NYAP2: variants seen among roughly 807,000 people sequenced by gnomAD.
NYAP2 encodes neuronal tyrosine-phosphorylated phosphoinositide-3-kinase adaptor 2.
Under a neutral mutation model 50.4 loss-of-function variants are expected in NYAP2, and 23 were observed. The ratio of observed to expected loss-of-function variants is 0.46; its 90% CI spans 0.33 to 0.65. NYAP2 has a LOEUF of 0.65. Among genes scored for constraint, NYAP2 ranks in the 30% least tolerant of loss-of-function variants. The pLI is 0.02. For synonymous variants in NYAP2, 394 were observed against 365.2 expected, an observed-to-expected ratio of 1.08 and a Z score of -0.90; for missense variants, 885 against 861.0, an observed-to-expected ratio of 1.03 and a Z score of -0.35.
At chr2:225,529,461 C>CA (rs1366820498) in intron 4 of NYAP2, among the ~76,000 whole-genome samples, 1 of 151,728 alleles carries the variant, frequency 6.6e-6, no homozygotes, top group Admixed American at 6.6e-5. Context: ...GAGTAGCTGG[C>CA]ATTACAGACA....
intron 3 of NYAP2, among the ~76,000 whole-genome samples, chr2:225,437,337 T>A (rs994653002): frequency 1.3e-5 from 2 of 152,160 alleles, no homozygotes; most frequent in Non-Finnish European, 2.9e-5. Flanking sequence ...TTTAATCATC[T>A]AAAGAGAAAA....
chr2:225,502,373 A>C (rs536841123), intron 3 of NYAP2, among the ~76,000 whole-genome samples: 1 of 152,328 alleles, frequency 6.6e-6, no homozygotes, highest in African/African-American at 2.4e-5. Flanking sequence ...AAATTGAGAA[A>C]ATGGCCACTG....
intron 3 of NYAP2, among the ~76,000 whole-genome samples, chr2:225,494,754 G>T (rs1162172801): frequency 4.6e-5 from 7 of 152,162 alleles, no homozygotes; most frequent in Non-Finnish European, 8.8e-5. Flanking sequence ...ATGCTTTGGG[G>T]ATTGCAGTGG....
At chr2:225,488,022 A>G (rs1369284754) in intron 3 of NYAP2, among the ~76,000 whole-genome samples, 5 of 152,230 alleles carry the variant, frequency 3.3e-5, no homozygotes, top group Non-Finnish European at 7.3e-5. Flanking sequence ...GAAAATCTGG[A>G]CTCAGCATTC....
intron 4 of NYAP2, among the ~76,000 whole-genome samples, chr2:225,569,715 A>G (rs538544482): frequency 2.8e-4 from 43 of 152,334 alleles, no homozygotes; most frequent in Admixed American, 1.2e-3. Context: ...TTATAGATGA[A>G]CAAACAGGTT....
chr2:225,407,772 G>T (rs1416699599), intron 2 of NYAP2, among the ~76,000 whole-genome samples: 6 of 151,814 alleles, frequency 4.0e-5, no homozygotes, highest in African/African-American at 7.2e-5. Context: ...TTTGCTTTTG[G>T]TTTTTTAATC....
chr2:225,454,601 G>A (rs1377930207), intron 3 of NYAP2, among the ~76,000 whole-genome samples: 1 of 152,170 alleles, frequency 6.6e-6, no homozygotes. Flanking sequence ...TGGCAGGCAA[G>A]AGAGTATTAC....
intron 3 of NYAP2, among the ~76,000 whole-genome samples, chr2:225,479,147 A>C (rs967421616): frequency 2.0e-5 from 3 of 152,210 alleles, no homozygotes; most frequent in African/African-American, 4.8e-5. Context: ...AGATTGAAAA[A>C]GGAACAGGAG....
At chr2:225,504,644 A>G (rs1191146123) in intron 3 of NYAP2, among the ~76,000 whole-genome samples, 3 of 152,346 alleles carry the variant, frequency 2.0e-5, no homozygotes, top group African/African-American at 7.2e-5. Flanking sequence ...CATATCTCAA[A>G]TTCTAAGATA....
In NYAP2 at chr2:225,582,038, C is replaced by A. The variant is rs185602343; in HGVS notation, c.621C>A (p.Phe207Leu). The A allele has an allele frequency of 1.2e-6, 2 of 1,613,890 alleles. No homozygotes were observed. Among genetic ancestry groups the A allele is most frequent in the Non-Finnish European group, 1.7e-6 (2 of 1,179,892 alleles). ...CGAACACTCAGCTGAGCACATCTTT[C>A]GATGAAACGTACATCAAAAAGCATG... The change falls in exon 5 of 7, where the codon TTC (phenylalanine) becomes TTA (leucine). Residue 207 changes from phenylalanine to leucine, a missense_variant. Physicochemically the swap from Phe to Leu is conservative, Grantham distance 22. Transcript: ENST00000636099. The surrounding 1 kb of genome is among the most constrained non-coding windows in gnomAD (Gnocchi z 7.0).
intron 4 of NYAP2, among the ~76,000 whole-genome samples, chr2:225,524,701 A>G (rs1691122491): frequency 6.6e-6 from 1 of 152,180 alleles, no homozygotes; most frequent in African/African-American, 2.4e-5. Flanking sequence ...AAAGAATTTG[A>G]CCATGTCCTC....
At position 225,425,646 on chromosome 2, in the gene NYAP2, A is replaced by T. The variant is rs919607348; in HGVS notation, c.221+16545A>T. On this transcript the variant is annotated intron_variant, in intron 3 of 6. Coordinates refer to ENST00000636099, the Ensembl canonical transcript of NYAP2. Reference sequence around the variant, plus strand: ...TCTAAGAGACCTATCTAATATGTTTAAAAATACACTTCTTTTTCCCTGTGG... The same window carrying T: ...TCTAAGAGACCTATCTAATATGTTTTAAAATACACTTCTTTTTCCCTGTGG... Among the ~76,000 whole-genome samples, 5 of 152,208 alleles carry T rather than the reference A, an allele frequency of 3.3e-5. No individual in the cohort carries two copies. In the East Asian group the frequency reaches 9.6e-4, roughly 29 times the overall value.
intron 5 of NYAP2, among the ~76,000 whole-genome samples, chr2:225,612,761 T>A (rs901829693): frequency 8.4e-5 from 4 of 47,798 alleles, no homozygotes; most frequent in Non-Finnish European, 2.2e-4. Context: ...TACAATCTCA[T>A]CTAAACCTAA....
intron 4 of NYAP2, among the ~76,000 whole-genome samples, chr2:225,563,958 C>T (rs77918707): frequency 0.026 from 3,899 of 152,112 alleles, 170 homozygotes; most frequent in African/African-American, 0.089. Context: ...GAGAATATTG[C>T]AGACTGGGTG....
At chr2:225,482,425 T>C (rs759606013) in intron 3 of NYAP2, among the ~76,000 whole-genome samples, 3 of 152,178 alleles carry the variant, frequency 2.0e-5, no homozygotes, top group Non-Finnish European at 4.4e-5. Flanking sequence ...TTAGCCTTTG[T>C]TGCCACTGTT....
At chr2:225,431,935 C>T (rs193061578) in intron 3 of NYAP2, among the ~76,000 whole-genome samples, 106 of 151,928 alleles carry the variant, frequency 7.0e-4, no homozygotes, top group African/African-American at 2.3e-3. Flanking sequence ...TGTGTGTGGC[C>T]ATATAATTTA....
chr2:225,662,715 G>T, the NYAP2 span, among the ~76,000 whole-genome samples: 1 of 152,220 alleles, frequency 6.6e-6, no homozygotes, highest in African/African-American at 2.4e-5. Flanking sequence ...GGACCAAAAG[G>T]TGTCAGGAGT....
chr2:225,555,076 A>G (rs1691753526), intron 4 of NYAP2, among the ~76,000 whole-genome samples: 1 of 152,140 alleles, frequency 6.6e-6, no homozygotes, highest in Non-Finnish European at 1.5e-5. Flanking sequence ...CATCTTTATT[A>G]TCTATACAAA....
At chr2:225,495,021 G>A (rs1690477297) in intron 3 of NYAP2, among the ~76,000 whole-genome samples, 1 of 152,138 alleles carries the variant, frequency 6.6e-6, no homozygotes, top group South Asian at 2.1e-4. Flanking sequence ...ATTTGCTTAT[G>A]CTGAATTAAT....
Sources: allele counts gnomAD v4.1 joint callset (sites outside exome capture counted in the v4.1 genomes callset), GRCh38; gene constraint gnomAD v4.1.1; non-coding constraint Gnocchi (gnomAD v3.1); transcripts MANE v1.5; gene names NCBI Gene and HGNC (gene_info 2026-07-23, HGNC 2026-07-21).